Variants in MEOX2 observed in about 807,000 individuals in gnomAD.
The protein encoded by MEOX2 is mesenchyme homeobox 2, also known as homeobox protein MOX-2.
Under a neutral mutation model 27.0 loss-of-function variants are expected in MEOX2, and 11 were observed. The ratio of observed to expected loss-of-function variants is 0.41; its 90% CI spans 0.26 to 0.68. The LOEUF is 0.68. Ranked by LOEUF, MEOX2 falls within the 30% of genes least tolerant of loss-of-function variation. The pLI, the probability that MEOX2 is intolerant of heterozygous loss-of-function variation, is 0.33. For synonymous variants in MEOX2, 189 were observed against 155.4 expected (o/e 1.22, Z -1.61); for missense variants, 436 against 385.4 (o/e 1.13, Z -1.10).
At position 15,633,141 on chromosome 7, in the gene MEOX2, A is replaced by G. The variant is rs568215429; in HGVS notation, c.518-6223T>C. On this transcript the variant is annotated intron_variant, in intron 1 of 2. Transcript: ENST00000262041. Reference sequence around the variant, plus strand: ...TGCTTTCTCTCCTATACTAGAACGTAAGTGTTTGAGGCCAATTCTTGTTCT... The same window carrying G: ...TGCTTTCTCTCCTATACTAGAACGTGAGTGTTTGAGGCCAATTCTTGTTCT... Among the ~76,000 whole-genome samples, 6 of 152,058 alleles carry G rather than the reference A, an allele frequency of 3.9e-5. No individual in the cohort carries two copies. The East Asian group carries it at 1.2e-3, about 29-fold the overall frequency.
chr7:15,654,237 T>C (rs1365602448), intron 1 of MEOX2, among the ~76,000 whole-genome samples: 1 of 151,942 alleles, frequency 6.6e-6, no homozygotes, highest in African/African-American at 2.4e-5. Flanking sequence ...ATTATGTAAT[T>C]TTTGTATGTT....
intron 1 of MEOX2, among the ~76,000 whole-genome samples, chr7:15,632,203 C>T (rs1304931693): frequency 1.3e-5 from 2 of 151,672 alleles, no homozygotes; most frequent in Non-Finnish European, 2.9e-5. Flanking sequence ...TTGCTTCCTC[C>T]TCTCTTCTCT....
chr7:15,638,010 T>G (rs572283017), intron 1 of MEOX2, among the ~76,000 whole-genome samples: 1 of 152,138 alleles, frequency 6.6e-6, no homozygotes, highest in Non-Finnish European at 1.5e-5. Context: ...GTCAAATTTA[T>G]TAGTTTACAT....
intron 1 of MEOX2, among the ~76,000 whole-genome samples, chr7:15,682,166 T>C (rs1407446761): frequency 6.6e-6 from 1 of 151,870 alleles, no homozygotes; most frequent in East Asian, 1.9e-4. Flanking sequence ...ATTTGTTCAA[T>C]ACTTCACTTT....
Position 15,686,465 on chromosome 7 carries a change from T to G in MEOX2, c.-63A>C. ...GGCGGTTCCAAAGGCCACCACCCTC[T>G]GTCACTTTTTCACTGGAAACCGTGT... On this transcript the variant is annotated 5_prime_UTR_variant, in exon 1 of 3. Coordinates refer to ENST00000262041, the MANE Select transcript of MEOX2 (RefSeq NM_005924.5). 7.1e-7 allele frequency: 1 copy of G among 1,412,716 alleles called. No homozygotes were observed. 87.5% of individuals were successfully genotyped at this position (1,412,716 alleles called of 1,614,324 possible).
In MEOX2 at chr7:15,611,974, C is replaced by G. The variant is rs17168900; in HGVS notation, c.*413G>C. Reference sequence around the variant, plus strand: ...GTGCAAGCAAAAGCAAATACCTGCCCACTGTAATACACATGATCTCACACA... The same window carrying G: ...GTGCAAGCAAAAGCAAATACCTGCCGACTGTAATACACATGATCTCACACA... On this transcript the variant is annotated 3_prime_UTR_variant, in exon 3 of 3. Coordinates refer to ENST00000262041, the MANE Select transcript of MEOX2 (RefSeq NM_005924.5). The G allele has an allele frequency of 0.064, 10,996 of 172,436 alleles. 445 individuals are homozygous for G. The highest frequency in any genetic ancestry group is 0.12 in the Middle Eastern group (41 of 350). 10.7% of individuals were successfully genotyped at this position (172,436 alleles called of 1,614,324 possible).
At chr7:15,642,390 T>C (rs939835617) in intron 1 of MEOX2, among the ~76,000 whole-genome samples, 1 of 152,166 alleles carries the variant, frequency 6.6e-6, no homozygotes, top group Non-Finnish European at 1.5e-5. Flanking sequence ...CATTTTTTTC[T>C]GTTTGTTCTA....
chr7:15,682,098 T>A (rs754007526), intron 1 of MEOX2: 1 of 151,792 alleles, frequency 6.6e-6, no homozygotes, highest in Non-Finnish European at 1.5e-5. Context: ...TGTTCACACC[T>A]AAAATTAGTC....
chr7:15,622,585 T>G (rs1372397334), intron 2 of MEOX2, among the ~76,000 whole-genome samples: 1 of 152,134 alleles, frequency 6.6e-6, no homozygotes, highest in Non-Finnish European at 1.5e-5. Flanking sequence ...TCTTAAAGAA[T>G]GAATATGAAA....
chr7:15,623,010 A>G (rs958802723), intron 2 of MEOX2, among the ~76,000 whole-genome samples: 1 of 152,200 alleles, frequency 6.6e-6, no homozygotes, highest in East Asian at 1.9e-4. Flanking sequence ...TTGATCTTGG[A>G]CTTCCCATCC....
At chr7:15,658,362 C>T (rs916563142) in intron 1 of MEOX2, among the ~76,000 whole-genome samples, 7 of 152,118 alleles carry the variant, frequency 4.6e-5, no homozygotes, top group East Asian at 1.9e-4. Context: ...TTTTTTCCTA[C>T]GGTGTTTGAC....
In MEOX2 at chr7:15,626,817, C is replaced by A. The variant is rs1176701460; in HGVS notation, c.619G>T (p.Ala207Ser). 1.2e-6 allele frequency: 2 copies of A among 1,610,564 alleles called. No individual in the cohort carries two copies. Residue 207 changes from alanine (A) to serine (S), a missense_variant, in exon 2 of 3, where the codon GCC becomes TCC. Ala to Ser is a moderately conservative substitution (Grantham distance 99). Transcript: ENST00000262041. ...AGTCTGGTGAGATAATTATGATGGG[C>A]AAATTCTGCTTCAAGTTCTCTGATT... ...EQIRELEAEF[A>S]HHNYLTRLRR...
At chr7:15,658,608 G>A (rs1157196219) in intron 1 of MEOX2, among the ~76,000 whole-genome samples, 2 of 152,134 alleles carry the variant, frequency 1.3e-5, no homozygotes, top group Non-Finnish European at 2.9e-5. Flanking sequence ...CCCCCAGTAC[G>A]TATGTTGAAA....
chr7:15,666,657 CAGG>C (rs1301223328), intron 1 of MEOX2, among the ~76,000 whole-genome samples: 9 of 147,538 alleles, frequency 6.1e-5, no homozygotes, highest in African/African-American at 2.3e-4. Context: ...GAGGCTGAGG[CAGG>C]AGAATTGCTT....
chr7:15,624,117 C>T (rs1427434320), intron 2 of MEOX2, among the ~76,000 whole-genome samples: 1 of 152,156 alleles, frequency 6.6e-6, no homozygotes, highest in African/African-American at 2.4e-5. Flanking sequence ...TACTTAAGAA[C>T]ACACAATTCT....
chr7:15,657,978 C>T (rs953203420), intron 1 of MEOX2, among the ~76,000 whole-genome samples: 6 of 152,294 alleles, frequency 3.9e-5, no homozygotes, highest in African/African-American at 1.4e-4. Flanking sequence ...GGAGAAGGTT[C>T]CTGATTACTG....
intron 2 of MEOX2, among the ~76,000 whole-genome samples, chr7:15,619,625 C>G (rs1781187842): frequency 6.6e-6 from 1 of 151,888 alleles, no homozygotes; most frequent in Admixed American, 6.6e-5. Flanking sequence ...AACACATACA[C>G]ACATATACAC....
Position 15,644,485 on chromosome 7 carries a change from T to C in MEOX2, c.518-17567A>G, listed in dbSNP as rs570497819. 2.6e-5 allele frequency among the ~76,000 whole-genome samples: 4 copies of C among 152,294 alleles called. No homozygotes were observed. The East Asian group carries it at 7.7e-4, about 29-fold the overall frequency. Reference sequence around the variant, plus strand: ...CTTATATGCCTGAAACAGAGGAGGATGGAGAAGAACATAGACCCAAGAAAG... The same window carrying C: ...CTTATATGCCTGAAACAGAGGAGGACGGAGAAGAACATAGACCCAAGAAAG... On this transcript the variant is annotated intron_variant, in intron 1 of 2. Coordinates refer to ENST00000262041, the MANE Select transcript of MEOX2 (RefSeq NM_005924.5).
intron 1 of MEOX2, among the ~76,000 whole-genome samples, chr7:15,650,339 A>G (rs1454532474): frequency 6.6e-6 from 1 of 152,068 alleles, no homozygotes; most frequent in Non-Finnish European, 1.5e-5. Context: ...TTGAGATGGC[A>G]AGCAACACCT....
Sources: allele counts gnomAD v4.1 joint callset (sites outside exome capture counted in the v4.1 genomes callset), GRCh38; gene constraint gnomAD v4.1.1; transcripts MANE v1.5; gene names NCBI Gene and HGNC (gene_info 2026-07-23, HGNC 2026-07-21).